Variants in SLC9A3 observed in about 807,000 individuals in gnomAD.
SLC9A3 encodes the protein sodium/hydrogen exchanger 3.
In SLC9A3, 37 loss-of-function variants were observed where a neutral mutation model predicts 86.8. The observed-to-expected ratio is 0.43, with a 90% confidence interval of 0.33 to 0.56. The LOEUF is 0.56. SLC9A3 is among the 20% of genes least tolerant of loss of function. The probability of loss-of-function intolerance (pLI) is 0.06; values close to 1 mark genes in which losing one functional copy is unlikely to be tolerated. For missense variants in SLC9A3, 1,011 were observed against 1,171.9 expected (o/e 0.86, Z 2.00); for synonymous variants, 581 against 528.3 (o/e 1.10, Z -1.37).
intron 1 of SLC9A3, among the ~76,000 whole-genome samples, chr5:493,327 C>T (rs931405910): frequency 2.0e-5 from 3 of 152,232 alleles, no homozygotes; most frequent in Admixed American, 6.5e-5. Context: ...CACAGAGCAG[C>T]GGGAGCGGGG....
intron 1 of SLC9A3, among the ~76,000 whole-genome samples, chr5:505,203 G>A (rs1217106191): frequency 2.9e-5 from 1 of 34,630 alleles, no homozygotes; most frequent in Non-Finnish European, 5.8e-5. Context: ...GATGTGTGCT[G>A]GGGGGTGACC....
intron 1 of SLC9A3, among the ~76,000 whole-genome samples, chr5:501,957 G>A (rs1740298224): frequency 6.6e-6 from 1 of 152,232 alleles, no homozygotes; most frequent in African/African-American, 2.4e-5. Context: ...GGGCCCCCGG[G>A]CCGGGAAGCT....
At chr5:519,626 G>A (rs1402095465) in intron 1 of SLC9A3, among the ~76,000 whole-genome samples, 2 of 152,148 alleles carry the variant, frequency 1.3e-5, no homozygotes, top group African/African-American at 2.4e-5. Flanking sequence ...TCAAGTGTCG[G>A]GTGAGGACGA....
At chr5:507,186 T>TTTTTTTTTTGG (rs1242074998) in intron 1 of SLC9A3, among the ~76,000 whole-genome samples, 1 of 106,872 alleles carries the variant, frequency 9.4e-6, no homozygotes, top group Non-Finnish European at 1.9e-5. Context: ...TTTTTTTTTT[T>TTTTTTTTTTGG]GAGACGGAGT....
At position 471,087 on chromosome 5, in the gene SLC9A3, G is replaced by A. The variant is rs2126594393; in HGVS notation, c.*2292C>T. 6.5e-6 allele frequency: 1 copy of A among 153,168 alleles called. No individual in the cohort carries two copies. The highest frequency in any genetic ancestry group is 6.5e-5 in the Admixed American group (1 of 15,358). 9.5% of individuals were successfully genotyped at this position (153,168 alleles called of 1,614,324 possible). A position where few individuals can be genotyped will look rare whatever the true frequency, so the allele number is the denominator to read the frequency against. On this transcript the variant is annotated 3_prime_UTR_variant, in exon 17 of 17. Coordinates refer to ENST00000264938, the MANE Select transcript of SLC9A3 (RefSeq NM_004174.4). ...TGAGGTGTTCTCACTCTGGTTCCGT[G>A]TTTGTGTTTAGCCTGTGCAATTCTC...
chr5:500,314 G>C (rs1296792331), intron 1 of SLC9A3, among the ~76,000 whole-genome samples: 1 of 152,242 alleles, frequency 6.6e-6, no homozygotes, highest in Non-Finnish European at 1.5e-5. Context: ...GGCACCACTG[G>C]GACACGCCAC....
intron 1 of SLC9A3, among the ~76,000 whole-genome samples, chr5:514,770 T>G (rs1402319712): frequency 1.3e-5 from 2 of 152,238 alleles, no homozygotes; most frequent in East Asian, 3.9e-4. Context: ...AAGAAACCCT[T>G]TCCCAACAAA....
Position 497,600 on chromosome 5 carries a change from A to G in SLC9A3, c.212-5529T>C, listed in dbSNP as rs1740080638. On this transcript the variant is annotated intron_variant, in intron 1 of 16. Coordinates refer to ENST00000264938, the MANE Select transcript of SLC9A3 (RefSeq NM_004174.4). The surrounding 1 kb of genome is among the most constrained non-coding windows in gnomAD (Gnocchi z 5.4). Reference sequence around the variant, plus strand: ...GGATATCTCTTAACACAATTGTTCTATTCTTTGGTTATTCCTCCACTTCAA... The same window carrying G: ...GGATATCTCTTAACACAATTGTTCTGTTCTTTGGTTATTCCTCCACTTCAA... Among the ~76,000 whole-genome samples the G allele has an allele frequency of 2.0e-5, 3 of 152,152 alleles. No individual in the cohort carries two copies. Among genetic ancestry groups the G allele is most frequent in the Non-Finnish European group, 4.4e-5 (3 of 68,032 alleles).
intron 11 of SLC9A3, 58 bp downstream of exon 11, chr5:477,274 T>A: frequency 2.4e-6 from 3 of 1,265,690 alleles, no homozygotes; most frequent in Non-Finnish European, 3.4e-6. Flanking sequence ...TGTCTGTGAC[T>A]CTCAGCTCCC....
chr5:487,992 G>T (rs1739550917), intron 3 of SLC9A3, among the ~76,000 whole-genome samples: 1 of 152,228 alleles, frequency 6.6e-6, no homozygotes, highest in South Asian at 2.1e-4. Flanking sequence ...TAGGAACTCA[G>T]GAATGGGTGG....
At position 524,173 on chromosome 5, in the gene SLC9A3, G is replaced by C. The variant is rs778915264; in HGVS notation, c.150C>G (p.Ala50=). 161 of 1,548,536 alleles carry C rather than the reference G, an allele frequency of 1.0e-4. No individual in the cohort carries two copies. The highest frequency in any genetic ancestry group is 1.4e-4 in the Non-Finnish European group (156 of 1,150,672). ...CGATGACGTAGGGATCCTGCACGTGGGCCCACTCGAAGGTGACCACCTGGA... is the reference window on the plus strand; with the variant it reads ...CGATGACGTAGGGATCCTGCACGTGCGCCCACTCGAAGGTGACCACCTGGA... ...GGFQVVTFEW[A]HVQDPYVIAL... Residue 50 remains alanine, a synonymous_variant, in exon 1 of 17, where the codon GCC becomes GCG. Coordinates refer to ENST00000264938, the MANE Select transcript of SLC9A3 (RefSeq NM_004174.4).
intron 2 of SLC9A3, among the ~76,000 whole-genome samples, chr5:490,985 G>A (rs1193007500): frequency 3.3e-5 from 5 of 152,242 alleles, no homozygotes; most frequent in African/African-American, 1.2e-4. Context: ...TCAGCCCCTT[G>A]ATTCCCATGG....
chr5:473,307 A>G lies in SLC9A3; in HGVS notation c.*72T>C. On this transcript the variant is annotated 3_prime_UTR_variant, in exon 17 of 17. Coordinates refer to ENST00000264938, the MANE Select transcript of SLC9A3 (RefSeq NM_004174.4). ...CGCGGGGATCTGGGGTTTCTCTGGG[A>G]CAGCGGCGGCGGCGGTGGGCGGACC... is the stretch of plus-strand genomic sequence containing the variant. 1 of 1,364,112 alleles carries G rather than the reference A, an allele frequency of 7.3e-7. No individual in the cohort carries two copies. The highest frequency in any genetic ancestry group is 9.5e-7 in the Non-Finnish European group (1 of 1,054,468). 84.5% of individuals were successfully genotyped at this position (1,364,112 alleles called of 1,614,324 possible). A position where few individuals can be genotyped will look rare whatever the true frequency, so the allele number is the denominator to read the frequency against.
intron 16 of SLC9A3, among the ~76,000 whole-genome samples, 184 bp downstream of exon 16, chr5:474,699 A>G (rs140783804): frequency 2.6e-3 from 30 of 11,626 alleles, no homozygotes; most frequent in African/African-American, 6.2e-3. Flanking sequence ...GGGGAGAGAG[A>G]GAGCGAGCCA....
At chr5:490,984 T>C (rs941343910) in intron 2 of SLC9A3, among the ~76,000 whole-genome samples, 1 of 152,212 alleles carries the variant, frequency 6.6e-6, no homozygotes, top group Non-Finnish European at 1.5e-5. Context: ...TTCAGCCCCT[T>C]GATTCCCATG....
In SLC9A3 at chr5:506,334, G is replaced by A. The variant is rs1057222169; in HGVS notation, c.212-14263C>T. On this transcript the variant is annotated intron_variant, in intron 1 of 16. Coordinates refer to ENST00000264938, the MANE Select transcript of SLC9A3 (RefSeq NM_004174.4). ...GGGGCTGGAGACGCGCGGAACCCGG[G>A]CTGCGGAGAGGGTGCTGGGGTGCGC... is the stretch of plus-strand genomic sequence containing the variant. Among the ~76,000 whole-genome samples, 23 of 152,220 alleles carry A rather than the reference G, an allele frequency of 1.5e-4. 1 individual carries two copies. Among genetic ancestry groups the A allele is most frequent in the African/African-American group, 5.6e-4 (23 of 41,440 alleles).
In SLC9A3 at chr5:491,258, G is replaced by A. The variant is rs917192275; in HGVS notation, c.514+511C>T. 1.3e-5 allele frequency among the ~76,000 whole-genome samples: 2 copies of A among 152,154 alleles called. No individual in the cohort carries two copies. Among genetic ancestry groups the A allele is most frequent in the Non-Finnish European group, 2.9e-5 (2 of 67,996 alleles). On this transcript the variant is annotated intron_variant, in intron 2 of 16. Transcript: ENST00000264938. This position sits in a 1 kb window ranked among gnomAD's most constrained non-coding sequence, Gnocchi z 9.2. ...CACCGCACCTGGCATGTTGAGAGGC[G>A]CCAGCCACGCGTGGTCTGGGTCCGG... is the stretch of plus-strand genomic sequence containing the variant.
At chr5:523,609 A>G (rs1733948028) in intron 1 of SLC9A3, among the ~76,000 whole-genome samples, 1 of 151,948 alleles carries the variant, frequency 6.6e-6, no homozygotes, top group South Asian at 2.1e-4. Flanking sequence ...TTTTCTAAAA[A>G]AAAAAAAAAA....
intron 1 of SLC9A3, among the ~76,000 whole-genome samples, chr5:498,906 C>T (rs576122171): frequency 1.4e-4 from 21 of 152,298 alleles, no homozygotes; most frequent in Middle Eastern, 3.4e-3. Flanking sequence ...CCTCTGGTAT[C>T]GGATGGCAGT....
Sources: gnomAD v4.1 joint callset for allele counts (sites outside exome capture counted in the v4.1 genomes callset) on GRCh38, gnomAD v4.1.1 for gene constraint, Gnocchi (gnomAD v3.1) non-coding constraint, MANE v1.5 for transcripts, NCBI Gene and HGNC (gene_info 2026-07-23, HGNC 2026-07-21) for gene names.